TEX2: variants seen among roughly 807,000 people sequenced by gnomAD.
The protein encoded by TEX2 is testis-expressed protein 2.
Under a neutral mutation model 106.9 loss-of-function variants are expected in TEX2, and 53 were observed. The observed-to-expected ratio is 0.50, with a 90% CI of 0.40 to 0.62. TEX2 has a LOEUF of 0.62. TEX2 is among the 20% of genes least tolerant of loss of function. The probability of loss-of-function intolerance (pLI) is 0.00; values close to 1 mark genes in which losing one functional copy is unlikely to be tolerated. For missense variants in TEX2, 1,207 were observed against 1,379.0 expected, an observed-to-expected ratio of 0.88 and a Z score of 1.98; for synonymous variants, 523 against 534.8, an observed-to-expected ratio of 0.98 and a Z score of 0.30.
intron 1 of TEX2, among the ~76,000 whole-genome samples, chr17:64,253,980 C>T (rs914495969): frequency 6.6e-6 from 1 of 152,196 alleles, no homozygotes; most frequent in Non-Finnish European, 1.5e-5. Flanking sequence ...CTTTGAGCCC[C>T]TGGGTGTTGC....
chr17:64,261,609 TCTC>T (rs199828986), intron 1 of TEX2, among the ~76,000 whole-genome samples: 4,803 of 152,200 alleles, frequency 0.032, 119 homozygotes, highest in South Asian at 0.1. Context: ...AATTTGTTAA[TCTC>T]CTTCCTCTCA....
intron 1 of TEX2, among the ~76,000 whole-genome samples, chr17:64,214,823 C>T (rs979885917): frequency 3.9e-5 from 6 of 152,206 alleles, no homozygotes; most frequent in Non-Finnish European, 7.3e-5. Flanking sequence ...AACTAATTGC[C>T]ATGGTCTGTT....
chr17:64,262,558 C>T (rs1415362095), intron 1 of TEX2, among the ~76,000 whole-genome samples: 1 of 152,184 alleles, frequency 6.6e-6, no homozygotes, highest in African/African-American at 2.4e-5. Flanking sequence ...ACGGCCACAC[C>T]GCCTCCCCGC....
intron 2 of TEX2, among the ~76,000 whole-genome samples, chr17:64,208,351 G>C (rs2032901610): frequency 6.6e-6 from 1 of 151,110 alleles, no homozygotes; most frequent in South Asian, 2.1e-4. Flanking sequence ...CGATCTTCCT[G>C]CCTCAGCCTC....
chr17:64,212,671 A>C lies in TEX2; in HGVS notation c.1547T>G (p.Phe516Cys), dbSNP rs1555631721. 1 of 1,614,038 alleles carries C rather than the reference A, an allele frequency of 6.2e-7. No individual in the cohort carries two copies. The highest frequency in any genetic ancestry group is 1.3e-5 in the African/African-American group (1 of 74,914). ...FMTAVCVIWF[F>C]TPPSAHKYHK... ...ATATTTATGAGCACTTGGTGGTGTA[A>C]AAAACCAAATCACGCAAACTGCAGT... Residue 516 changes from phenylalanine (F) to cysteine (C), a missense_variant, in exon 2 of 12, where the codon TTT (phenylalanine) becomes TGT (cysteine). By Grantham distance (205) the Phe-to-Cys change is radical. Around this residue, in one of 3 missense-constraint regions of TEX2, gnomAD observed 1,067 missense variants for 1,193.6 expected, o/e 0.89. Coordinates refer to ENST00000584379, the MANE Select transcript of TEX2 (RefSeq NM_001288732.2).
rs527743167 is a variant in TEX2, at chr17:64,197,449, G to T, written c.1645-2354C>A. ...CCCTATAATCCTGTGAATATCTGTAGTGTCTATGGTGATGCCCCCTCTTTC... is the reference window on the plus strand; with the variant it reads ...CCCTATAATCCTGTGAATATCTGTATTGTCTATGGTGATGCCCCCTCTTTC... On this transcript the variant is annotated intron_variant, in intron 2 of 11. Transcript: ENST00000584379. Among the ~76,000 whole-genome samples, 5 of 152,232 alleles carry T rather than the reference G, an allele frequency of 3.3e-5. No individual in the cohort carries two copies. The South Asian group carries it at 6.2e-4, about 19-fold the overall frequency.
intron 1 of TEX2, among the ~76,000 whole-genome samples, chr17:64,225,804 A>C (rs1258020716): frequency 6.6e-6 from 1 of 151,840 alleles, no homozygotes; most frequent in Non-Finnish European, 1.5e-5. Flanking sequence ...TCCAACCTCT[A>C]CCTCCCGGGT....
At chr17:64,151,175 C>A (rs567162968) in intron 10 of TEX2, among the ~76,000 whole-genome samples, 2 of 152,264 alleles carry the variant, frequency 1.3e-5, no homozygotes, top group Admixed American at 6.5e-5. Context: ...GGATTTAGAA[C>A]AGTTCTGACA....
At chr17:64,149,245 C>T in intron 11 of TEX2, 154 bp from the exon 12 acceptor site, 1 of 749,036 alleles carries the variant, frequency 1.3e-6, no homozygotes, top group Admixed American at 3.1e-5. Flanking sequence ...ACCATACATA[C>T]TTTAGAAAGA....
rs559557829 is a variant in TEX2, at chr17:64,192,430, C to T, written c.2176+1129G>A. ...GCTGCGGGCCAAGTATTGATGGTCA[C>T]CACCAGAAGCTGCAAACACGCAAGG... On this transcript the variant is annotated intron_variant, in intron 4 of 11. Coordinates refer to ENST00000584379, the MANE Select transcript of TEX2 (RefSeq NM_001288732.2). 7.2e-5 allele frequency among the ~76,000 whole-genome samples: 11 copies of T among 152,282 alleles called. No individual in the cohort carries two copies. In the South Asian group the frequency reaches 2.3e-3, roughly 32 times the overall value.
At chr17:64,261,087 TTAAG>T (rs1415496623) in intron 1 of TEX2, among the ~76,000 whole-genome samples, 1 of 152,172 alleles carries the variant, frequency 6.6e-6, no homozygotes, top group Non-Finnish European at 1.5e-5. Context: ...TGTTCTCATA[TTAAG>T]TAATAAACTG....
At chr17:64,155,372 AC>A (rs2030573724) in intron 8 of TEX2, 1 of 158,666 alleles carries the variant, frequency 6.3e-6, no homozygotes, top group Non-Finnish European at 1.4e-5. Flanking sequence ...GACAGCTTAT[AC>A]TGGTGACATG....
At chr17:64,163,478 GTAAA>G (rs1468865714) in intron 7 of TEX2, among the ~76,000 whole-genome samples, 2 of 152,150 alleles carry the variant, frequency 1.3e-5, no homozygotes, top group African/African-American at 4.8e-5. Context: ...GACATGAATG[GTAAA>G]TAAATATTCC....
Position 64,213,627 on chromosome 17 carries a change from G to A in TEX2, c.591C>T (p.Thr197=), listed in dbSNP as rs781987623. Residue 197 remains threonine (T), a synonymous_variant, in exon 2 of 12, where the codon ACC becomes ACT. Transcript: ENST00000584379. The surrounding 1 kb of genome is among the most constrained non-coding windows in gnomAD (Gnocchi z 4.4). ...PFMSLVKSLS[T]EVEPKESPHP... ...GTGGGGATTCTTTTGGCTCCACCTC[G>A]GTCGACAGGGACTTCACAAGGCTCA... 5.6e-6 allele frequency: 9 copies of A among 1,613,898 alleles called. No individual in the cohort carries two copies. The highest frequency in any genetic ancestry group is 1.6e-4 in the Middle Eastern group (1 of 6,082).
intron 6 of TEX2, among the ~76,000 whole-genome samples, chr17:64,171,791 C>A (rs886411565): frequency 6.6e-6 from 1 of 151,424 alleles, no homozygotes; most frequent in African/African-American, 2.4e-5. Flanking sequence ...CCAGCCTGGC[C>A]AACATGGTGA....
chr17:64,257,628 T>C (rs572156793), intron 1 of TEX2, among the ~76,000 whole-genome samples: 1 of 152,344 alleles, frequency 6.6e-6, no homozygotes, highest in Non-Finnish European at 1.5e-5. Context: ...ACCTACTCAT[T>C]AGTCACCTTT....
Position 64,160,691 on chromosome 17 carries a change from A to C in TEX2, c.2804+110T>G, listed in dbSNP as rs926412580. 42 of 1,339,650 alleles carry C rather than the reference A, an allele frequency of 3.1e-5. 1 individual carries two copies. The highest frequency in any genetic ancestry group is 2.5e-4 in the South Asian group (18 of 72,534). 83.0% of individuals were successfully genotyped at this position (1,339,650 alleles called of 1,614,324 possible). On this transcript the variant is annotated intron_variant, in intron 8 of 11. Coordinates refer to ENST00000584379, the MANE Select transcript of TEX2 (RefSeq NM_001288732.2). ...TCTGGTCCAGGAGCACTTACACAGA[A>C]GCTCACTCAACATCCAGGGGCCACT...
At chr17:64,234,237 G>T (rs1049035509) in intron 1 of TEX2, among the ~76,000 whole-genome samples, 9 of 152,200 alleles carry the variant, frequency 5.9e-5, no homozygotes, top group Non-Finnish European at 1.2e-4. Flanking sequence ...AATTCTGGAG[G>T]TGCTATAAAC....
chr17:64,206,011 G>A (rs1555630701), intron 2 of TEX2, among the ~76,000 whole-genome samples: 1 of 152,174 alleles, frequency 6.6e-6, no homozygotes, highest in East Asian at 1.9e-4. Context: ...TCTTCAGGAA[G>A]CTTTTCATTA....
Sources: allele counts gnomAD v4.1 joint callset (sites outside exome capture counted in the v4.1 genomes callset), GRCh38; gene constraint gnomAD v4.1.1; regional missense constraint gnomAD v4.1.1; non-coding constraint Gnocchi (gnomAD v3.1); transcripts MANE v1.5; gene names NCBI Gene and HGNC (gene_info 2026-07-23, HGNC 2026-07-21).